Variants in KIF6 observed in about 807,000 individuals in gnomAD.
KIF6 encodes kinesin family member 6, also known as kinesin-like protein KIF6.
In KIF6, 106 loss-of-function variants were observed where a neutral mutation model predicts 112.7. The ratio of observed to expected loss-of-function variants is 0.94; its 90% CI spans 0.80 to 1.11. The LOEUF is 1.11. Ranked by LOEUF, KIF6 falls within the 50% of genes least tolerant of loss-of-function variation. KIF6 has a pLI of 0.00. For missense variants in KIF6, 929 were observed against 964.0 expected (o/e 0.96, Z 0.48); for synonymous variants, 339 against 339.9 (o/e 1.00, Z 0.03).
rs1187320906 is a variant in KIF6, at chr6:39,540,068, G to C, written c.1580C>G (p.Ala527Gly). ...EEGQRMRLSS[A>G]PSQAQDFSIL... ...GCTGAAGTCCTGGGCCTGTGAGGGA[G>C]CTGAGGATAGTCGCATTCTTTGACC... The change falls in exon 13 of 23, where the codon GCT (alanine) becomes GGT (glycine). Residue 527 changes from alanine (A) to glycine (G), a missense_variant. Ala to Gly is a moderately conservative substitution (Grantham distance 60). Around this residue, in one of 2 missense-constraint regions of KIF6, gnomAD observed 688 missense variants for 662.7 expected, o/e 1.04. Transcript: ENST00000287152. 6.2e-7 allele frequency: 1 copy of C among 1,614,134 alleles called. No homozygotes were observed. The highest frequency in any genetic ancestry group is 8.5e-7 in the Non-Finnish European group (1 of 1,179,998).
At chr6:39,338,101 A>G (rs180744936) in intron 22 of KIF6, among the ~76,000 whole-genome samples, 12 of 152,368 alleles carry the variant, frequency 7.9e-5, no homozygotes, top group African/African-American at 2.2e-4. Flanking sequence ...TTTTGCTTAA[A>G]GTTTGGCTAA....
Position 39,478,799 on chromosome 6 carries a change from C to T in KIF6, c.1646-47638G>A, listed in dbSNP as rs117116331. Among the ~76,000 whole-genome samples the T allele has an allele frequency of 1.3e-3, 189 of 150,326 alleles. 4 individuals are homozygous for T. In the East Asian group the frequency reaches 0.025, roughly 20 times the overall value. ...AATTTTTTGATTATGGCCATTCTTA[C>T]GGGAGTGAGTTGGTATTGCATTGTG... On this transcript the variant is annotated intron_variant, in intron 13 of 22. Coordinates refer to ENST00000287152, the MANE Select transcript of KIF6 (RefSeq NM_145027.6).
At chr6:39,555,817 A>G (rs906558865) in intron 10 of KIF6, among the ~76,000 whole-genome samples, 1 of 151,926 alleles carries the variant, frequency 6.6e-6, no homozygotes, top group Admixed American at 6.6e-5. Flanking sequence ...ACCAGGTGGT[A>G]GCGGTGCATG....
intron 13 of KIF6, among the ~76,000 whole-genome samples, chr6:39,464,597 C>T (rs1426105343): frequency 1.1e-4 from 16 of 152,168 alleles, no homozygotes; most frequent in Admixed American, 9.8e-4. Context: ...CACTTGCCTC[C>T]TCCTCCTCAC....
intron 10 of KIF6, among the ~76,000 whole-genome samples, chr6:39,563,936 G>T (rs1780150925): frequency 1.3e-5 from 2 of 152,228 alleles, no homozygotes; most frequent in African/African-American, 4.8e-5. Context: ...TAATTAACCA[G>T]TTGTTTCTTG....
chr6:39,362,462 G>C lies in KIF6; in HGVS notation c.1918C>G (p.Arg640Gly). 6 of 1,613,974 alleles carry C rather than the reference G, an allele frequency of 3.7e-6. No homozygotes were observed. The highest frequency in any genetic ancestry group is 5.1e-6 in the Non-Finnish European group (6 of 1,179,886). The stretch of plus-strand genomic sequence containing the variant: ...CTCTTTTCTTCCTCCAGTTGTGATC[G>C]CAGCTTCTCCTCCTGCTGGTCTGGC... Reference protein sequence around the residue: ...LMPDQQEEKLRSQLEEEKRRY... With the variant: ...LMPDQQEEKLGSQLEEEKRRY... The change falls in exon 17 of 23, where the codon CGA becomes GGA. Residue 640 changes from arginine (R) to glycine (G), a missense_variant. Arg to Gly is a moderately radical substitution (Grantham distance 125, BLOSUM62 -2). Coordinates refer to ENST00000287152, the MANE Select transcript of KIF6 (RefSeq NM_145027.6).
chr6:39,563,207 G>C (rs1243966747), intron 10 of KIF6, among the ~76,000 whole-genome samples: 1 of 152,154 alleles, frequency 6.6e-6, no homozygotes, highest in Non-Finnish European at 1.5e-5. Flanking sequence ...CTGCACTCCA[G>C]CCTGGGTGAT....
intron 9 of KIF6, among the ~76,000 whole-genome samples, chr6:39,580,044 T>A (rs560765699): frequency 7.5e-4 from 114 of 152,118 alleles, no homozygotes; most frequent in African/African-American, 2.7e-3. Flanking sequence ...TACCAAAGGC[T>A]CTCCTCAAAT....
rs772050225 is a variant in KIF6, at chr6:39,643,129, GACAT to G, written c.252-3376_252-3373del. 2.0e-5 allele frequency among the ~76,000 whole-genome samples: 3 copies of G among 152,030 alleles called. No individual in the cohort carries two copies. The East Asian group carries it at 5.8e-4, about 29-fold the overall frequency. On this transcript the variant is annotated intron_variant, in intron 3 of 22. Transcript: ENST00000287152. ...GACATAGAAGTCTCTATTTGCACAT[GACAT>G]AATCTTGTATATAGAAAATACTAAG...
At chr6:39,420,974 C>G (rs1186836504) in intron 14 of KIF6, among the ~76,000 whole-genome samples, 1 of 152,182 alleles carries the variant, frequency 6.6e-6, no homozygotes, top group Non-Finnish European at 1.5e-5. Flanking sequence ...GCTAGAGAAG[C>G]AGACAGGACA....
chr6:39,331,744 C>G lies in KIF6; in HGVS notation c.*4788G>C, dbSNP rs1762744505. Reference sequence around the variant, plus strand: ...GGCACTTTCTCTGTCTCTGTCACCTCTGACTCCTCAGAACTTAGCACAATG... The same window carrying G: ...GGCACTTTCTCTGTCTCTGTCACCTGTGACTCCTCAGAACTTAGCACAATG... On this transcript the variant is annotated 3_prime_UTR_variant, in exon 23 of 23. Transcript: ENST00000287152. The G allele has an allele frequency of 6.6e-6, 1 of 152,406 alleles. No homozygotes were observed. Among genetic ancestry groups the G allele is most frequent in the Non-Finnish European group, 1.5e-5 (1 of 68,048 alleles). The allele number at this position is 152,406 out of a possible 1,614,324, so 9.4% of individuals were successfully genotyped here.
chr6:39,455,231 A>C (rs1772989731), intron 13 of KIF6, among the ~76,000 whole-genome samples: 1 of 151,814 alleles, frequency 6.6e-6, no homozygotes, highest in Non-Finnish European at 1.5e-5. Flanking sequence ...CGAGCAGCCT[A>C]ACTGGGAGGC....
chr6:39,564,853 G>A (rs962616966), intron 10 of KIF6, among the ~76,000 whole-genome samples: 3 of 152,200 alleles, frequency 2.0e-5, no homozygotes, highest in South Asian at 2.1e-4. Flanking sequence ...AGCTGAATAC[G>A]AAGATAATAC....
chr6:39,622,592 T>A (rs1385108952), intron 5 of KIF6, among the ~76,000 whole-genome samples: 3 of 152,210 alleles, frequency 2.0e-5, no homozygotes, highest in Non-Finnish European at 4.4e-5. Context: ...GTATGGGATC[T>A]GTCCTCCCCT....
At chr6:39,624,290 T>C (rs1563769) in intron 5 of KIF6, among the ~76,000 whole-genome samples, 10,686 of 152,252 alleles carry the variant, frequency 0.07, 418 homozygotes, top group Middle Eastern at 0.11. Context: ...AAAGAGCTAA[T>C]TGAGATTCTT....
chr6:39,584,145 G>T (rs192042749), intron 9 of KIF6, among the ~76,000 whole-genome samples: 4 of 151,626 alleles, frequency 2.6e-5, no homozygotes, highest in African/African-American at 4.8e-5. Context: ...TTATTGGCCC[G>T]GCGCGGTGGC....
At position 39,592,649 on chromosome 6, in the gene KIF6, T is replaced by C. The variant is rs9471133; in HGVS notation, c.846+3405A>G. Among the ~76,000 whole-genome samples, 129 of 152,322 alleles carry C rather than the reference T, an allele frequency of 8.5e-4. 1 individual carries two copies. The highest frequency in any genetic ancestry group is 2.9e-3 in the African/African-American group (119 of 41,572). The stretch of plus-strand genomic sequence containing the variant: ...TTTAGGACAAGTATGTATGTCTCCC[T>C]TTTCCTCCCATGAACTCAATTTCTA... On this transcript the variant is annotated intron_variant, in intron 7 of 22. Coordinates refer to ENST00000287152, the MANE Select transcript of KIF6 (RefSeq NM_145027.6).
At chr6:39,467,741 A>C (rs1291673717) in intron 13 of KIF6, among the ~76,000 whole-genome samples, 2 of 152,230 alleles carry the variant, frequency 1.3e-5, no homozygotes, top group Non-Finnish European at 2.9e-5. Context: ...TTTTCAATAA[A>C]GAATTATGAT....
chr6:39,720,897 T>C, intron 1 of KIF6, 86 bp from the exon 2 acceptor site: 2 of 669,980 alleles, frequency 3.0e-6, no homozygotes, highest in East Asian at 5.2e-5. Flanking sequence ...TGTAATGATA[T>C]GAAAATTATA....
Sources: allele counts gnomAD v4.1 joint callset (sites outside exome capture counted in the v4.1 genomes callset), GRCh38; gene constraint gnomAD v4.1.1; regional missense constraint gnomAD v4.1.1; transcripts MANE v1.5; gene names NCBI Gene and HGNC (gene_info 2026-07-23, HGNC 2026-07-21).